The following NFIC variants were observed in gnomAD, a reference collection of about 807,000 sequenced individuals.
NFIC encodes the protein nuclear factor 1 C-type.
In NFIC, 12 loss-of-function variants were observed where a neutral mutation model predicts 54.4. The ratio of observed to expected loss-of-function variants is 0.22; its 90% CI spans 0.14 to 0.36. The LOEUF (loss-of-function observed/expected upper bound fraction) is 0.36. Ranked by LOEUF, NFIC falls within the 10% of genes least tolerant of loss-of-function variation. NFIC has a pLI of 1.00. For missense variants in NFIC, 575 were observed against 718.2 expected (o/e 0.80, Z 2.28); for synonymous variants, 322 against 319.2 (o/e 1.01, Z -0.09).
chr19:3,404,063 A>C (rs1599624308), intron 2 of NFIC, among the ~76,000 whole-genome samples: 2 of 110,800 alleles, frequency 1.8e-5, no homozygotes. Context: ...GAACCTCTCC[A>C]TGGGGACGCG....
chr19:3,421,118 G>A (rs1327476529), intron 2 of NFIC, among the ~76,000 whole-genome samples: 5 of 152,230 alleles, frequency 3.3e-5, no homozygotes, highest in African/African-American at 9.6e-5. Context: ...AGTGAGGCGC[G>A]GATGCATCCG....
chr19:3,458,263 G>C lies in NFIC; in HGVS notation c.1509+1628G>C, dbSNP rs948803497. On this transcript the variant is annotated intron_variant, in intron 10 of 10. Transcript: ENST00000443272. The surrounding 1 kb of genome is among the most constrained non-coding windows in gnomAD (Gnocchi z 4.1). ...CTATGGCCAACCTCTCCCCCGCCTG[G>C]TGCTGATGGAGCCCGGCATTACCTC... Among the ~76,000 whole-genome samples, 4 of 152,156 alleles carry C rather than the reference G, an allele frequency of 2.6e-5. No individual in the cohort carries two copies. The highest frequency in any genetic ancestry group is 4.4e-5 in the Non-Finnish European group (3 of 68,022).
intron 7 of NFIC, among the ~76,000 whole-genome samples, chr19:3,450,754 C>T (rs1449023988): frequency 6.6e-6 from 1 of 152,164 alleles, no homozygotes; most frequent in Non-Finnish European, 1.5e-5. Flanking sequence ...TGCTTACCAC[C>T]CCATGTTCTA....
At chr19:3,363,850 G>T (rs1329300079), upstream of NFIC, among the ~76,000 whole-genome samples, 1 of 152,196 alleles carries the variant, frequency 6.6e-6, no homozygotes, top group Non-Finnish European at 1.5e-5. Context: ...GCAGGGCCCA[G>T]GACGGCCCCA....
chr19:3,461,746 G>A (rs992321630), intron 10 of NFIC, among the ~76,000 whole-genome samples: 2 of 148,196 alleles, frequency 1.3e-5, no homozygotes, highest in Non-Finnish European at 3.0e-5. Context: ...AAATAGAGAA[G>A]AAAATAATTT....
At chr19:3,361,572 T>C (rs1009236393), upstream of NFIC, among the ~76,000 whole-genome samples, 29 of 150,492 alleles carry the variant, frequency 1.9e-4, 2 homozygotes. Context: ...CTCTCTCGCT[T>C]TCTTCTTGAC....
At chr19:3,402,668 A>G (rs4520955) in intron 2 of NFIC, among the ~76,000 whole-genome samples, 147,243 of 152,290 alleles carry the variant, frequency 0.97, 71,187 homozygotes, top group East Asian at 0.99. Context: ...GATTGAGGGT[A>G]GCCAGAGGCT....
chr19:3,441,497 C>T (rs1278155382), intron 6 of NFIC, among the ~76,000 whole-genome samples: 1 of 152,274 alleles, frequency 6.6e-6, no homozygotes, highest in Non-Finnish European at 1.5e-5. Flanking sequence ...TCCTGGGCCT[C>T]TCCCCATCGC....
intron 1 of NFIC, among the ~76,000 whole-genome samples, chr19:3,380,049 G>A (rs1009844533): frequency 1.3e-5 from 2 of 151,786 alleles, no homozygotes; most frequent in African/African-American, 2.4e-5. Flanking sequence ...CGCCCAGGCT[G>A]GAGTGCAGTG....
At chr19:3,420,588 A>AAATAAATAAAT (rs1568437359) in intron 2 of NFIC, among the ~76,000 whole-genome samples, 6 of 51,392 alleles carry the variant, frequency 1.2e-4, no homozygotes, top group South Asian at 6.3e-4. Context: ...AATAAATAAA[A>AAATAAATAAAT]GATACAAAAT....
chr19:3,428,388 G>T (rs373281615), intron 3 of NFIC, among the ~76,000 whole-genome samples: 1 of 151,642 alleles, frequency 6.6e-6, no homozygotes, highest in East Asian at 1.9e-4. Flanking sequence ...GGAGGCGGAG[G>T]TTGCAGTGAG....
chr19:3,377,076 C>A (rs1290596155), intron 1 of NFIC, among the ~76,000 whole-genome samples: 19 of 151,228 alleles, frequency 1.3e-4, no homozygotes, highest in Non-Finnish European at 2.7e-4. Flanking sequence ...TCACAGTAGC[C>A]CCAGCACTTT....
intron 1 of NFIC, among the ~76,000 whole-genome samples, chr19:3,360,330 C>T (rs1018803585): frequency 1.3e-5 from 2 of 149,150 alleles, no homozygotes; most frequent in Admixed American, 6.7e-5. Context: ...CGCCCCGCCC[C>T]TCGGCAGACC....
At chr19:3,403,957 C>T (rs1164385907) in intron 2 of NFIC, among the ~76,000 whole-genome samples, 1 of 151,976 alleles carries the variant, frequency 6.6e-6, no homozygotes, top group African/African-American at 2.4e-5. Context: ...ATGGGGACGC[C>T]CGTGTGTGCG....
intron 1 of NFIC, among the ~76,000 whole-genome samples, chr19:3,368,986 C>T (rs1023048959): frequency 6.7e-6 from 1 of 150,048 alleles, no homozygotes; most frequent in East Asian, 2.0e-4. Context: ...TCTCTCCCCG[C>T]CTCTGTTTCA....
intron 3 of NFIC, among the ~76,000 whole-genome samples, chr19:3,429,253 TACACACACACACACACAC>T (rs57948823): frequency 2.0e-5 from 1 of 50,798 alleles, no homozygotes; most frequent in Non-Finnish European, 3.3e-5. Flanking sequence ...AAAAAATATA[TACACACACACACACACAC>T]ACACACACAC....
chr19:3,415,511 C>G (rs2081839900), intron 2 of NFIC, among the ~76,000 whole-genome samples: 1 of 152,026 alleles, frequency 6.6e-6, no homozygotes, highest in South Asian at 2.1e-4. Context: ...CCCCATTTCA[C>G]CCATTGGCCT....
chr19:3,428,522 C>T (rs565173920), intron 3 of NFIC, among the ~76,000 whole-genome samples: 113 of 151,590 alleles, frequency 7.5e-4, no homozygotes, highest in African/African-American at 2.6e-3. Flanking sequence ...TTGGAAGGAC[C>T]GGAACAGGCA....
At chr19:3,368,877 CTG>C (rs762227445) in intron 1 of NFIC, among the ~76,000 whole-genome samples, 17 of 151,248 alleles carry the variant, frequency 1.1e-4, no homozygotes, top group Non-Finnish European at 2.1e-4. Flanking sequence ...CTCTTTTTGT[CTG>C]TCTTTCTCTC....
Sources: gnomAD v4.1 joint callset for allele counts (sites outside exome capture counted in the v4.1 genomes callset) on GRCh38, gnomAD v4.1.1 for gene constraint, Gnocchi (gnomAD v3.1) non-coding constraint, MANE v1.5 for transcripts, NCBI Gene and HGNC (gene_info 2026-07-23, HGNC 2026-07-21) for gene names.